Variants in PSMD14 observed in about 807,000 individuals in gnomAD.
PSMD14 encodes the protein ubiquitin C-terminal hydrolase PSMD14.
A neutral mutation model predicts 41.2 loss-of-function variants in PSMD14; 7 were observed. The observed-to-expected ratio is 0.17, with a 90% CI of 0.10 to 0.32. The LOEUF is 0.32. Ranked by LOEUF, PSMD14 falls within the 10% of genes least tolerant of loss-of-function variation. The probability of loss-of-function intolerance (pLI) is 1.00; values close to 1 mark genes in which losing one functional copy is unlikely to be tolerated. For missense variants in PSMD14, 139 were observed against 375.6 expected (o/e 0.37, Z 5.21); for synonymous variants, 114 against 122.3 (o/e 0.93, Z 0.45).
At chr2:161,330,162 T>C (rs1394508993) in intron 3 of PSMD14, among the ~76,000 whole-genome samples, 1 of 152,212 alleles carries the variant, frequency 6.6e-6, no homozygotes, top group Non-Finnish European at 1.5e-5. Context: ...ACAGTGAAAC[T>C]GTCCTTCAAA....
At chr2:161,365,283 A>AG (rs1360077578) in intron 3 of PSMD14, among the ~76,000 whole-genome samples, 2 of 152,038 alleles carry the variant, frequency 1.3e-5, no homozygotes. Context: ...TCTCGAGGTA[A>AG]CTCTAGTTGG....
chr2:161,313,787 G>C (rs1009914804), intron 1 of PSMD14, among the ~76,000 whole-genome samples: 1 of 152,218 alleles, frequency 6.6e-6, no homozygotes, highest in Non-Finnish European at 1.5e-5. Context: ...TACTTGTCTT[G>C]TGTAGATCAG....
intron 9 of PSMD14, among the ~76,000 whole-genome samples, chr2:161,391,605 A>T (rs1327156731): frequency 6.6e-6 from 1 of 151,972 alleles, no homozygotes; most frequent in East Asian, 1.9e-4. Flanking sequence ...TGTTTGTTTT[A>T]AGAGATAGTA....
intron 10 of PSMD14, among the ~76,000 whole-genome samples, chr2:161,400,494 C>A (rs1408977993): frequency 6.6e-6 from 1 of 152,126 alleles, no homozygotes; most frequent in Non-Finnish European, 1.5e-5. Context: ...ATATTAGAAT[C>A]TTTTTTGAGA....
chr2:161,381,456 T>G (rs1683569182), intron 7 of PSMD14: 1 of 151,774 alleles, frequency 6.6e-6, no homozygotes, highest in Non-Finnish European at 1.5e-5. Flanking sequence ...AGAAAAAAAT[T>G]ACAGCTACTG....
chr2:161,403,831 C>A (rs575161978), intron 10 of PSMD14, among the ~76,000 whole-genome samples: 1 of 152,098 alleles, frequency 6.6e-6, no homozygotes, highest in Non-Finnish European at 1.5e-5. Context: ...TTGAGACCCT[C>A]ACCATACCAC....
In PSMD14 at chr2:161,385,573, T is replaced by C. The variant is rs2105264139; in HGVS notation, c.570+2T>C. On this transcript the variant is annotated splice_donor_variant, in intron 8 of 11. Coordinates refer to ENST00000409682, the MANE Select transcript of PSMD14 (RefSeq NM_005805.6). LOFTEE classifies it high-confidence loss of function. The stretch of plus-strand genomic sequence containing the variant: ...CACTTAAACAAGCCATCTATCCAGG[T>C]ATTGCCTATATTTGATAATGTGTTA... 6.4e-7 allele frequency: 1 copy of C among 1,554,806 alleles called. No individual in the cohort carries two copies. Among genetic ancestry groups the C allele is most frequent in the Non-Finnish European group, 8.9e-7 (1 of 1,128,040 alleles).
chr2:161,314,735 A>G (rs1485718449), intron 1 of PSMD14, among the ~76,000 whole-genome samples: 1 of 152,180 alleles, frequency 6.6e-6, no homozygotes, highest in African/African-American at 2.4e-5. Flanking sequence ...ATTCCTTTTT[A>G]TAGCTGAACA....
chr2:161,387,253 C>G (rs576109838), intron 8 of PSMD14, among the ~76,000 whole-genome samples: 10 of 152,120 alleles, frequency 6.6e-5, no homozygotes, highest in South Asian at 4.1e-4. Flanking sequence ...AATACACTTT[C>G]TTATTTTTCT....
At chr2:161,388,473 A>G (rs1191879006) in intron 8 of PSMD14, among the ~76,000 whole-genome samples, 1 of 152,084 alleles carries the variant, frequency 6.6e-6, no homozygotes, top group Admixed American at 6.6e-5. Context: ...TTTGGCATAG[A>G]AAATATATAT....
chr2:161,318,771 A>T (rs1689172145), intron 2 of PSMD14, 51 bp from the exon 3 acceptor site: 1 of 1,440,720 alleles, frequency 6.9e-7, no homozygotes, highest in South Asian at 1.2e-5. Flanking sequence ...ATAGCAATTG[A>T]ATAAACATTT....
chr2:161,395,656 T>G (rs538295546), intron 10 of PSMD14, among the ~76,000 whole-genome samples: 1 of 152,344 alleles, frequency 6.6e-6, no homozygotes, highest in Admixed American at 6.5e-5. Flanking sequence ...GAAAATCTAA[T>G]GTGCCAGGCA....
In PSMD14 at chr2:161,309,739, T is replaced by C. The variant is rs188734142; in HGVS notation, c.-138+1135T>C. Among the ~76,000 whole-genome samples the C allele has an allele frequency of 2.7e-3, 407 of 152,354 alleles. 3 individuals are homozygous for C. Among genetic ancestry groups the C allele is most frequent in the Non-Finnish European group, 5.1e-3 (346 of 68,028 alleles). ...ATGTTGTCTTGAATTTGTCCCTAAATCTTGCCAAGGGAAGAAAGTTTTCAA... is the reference window on the plus strand; with the variant it reads ...ATGTTGTCTTGAATTTGTCCCTAAACCTTGCCAAGGGAAGAAAGTTTTCAA... On this transcript the variant is annotated intron_variant, in intron 1 of 11. Coordinates refer to ENST00000409682, the MANE Select transcript of PSMD14 (RefSeq NM_005805.6).
At chr2:161,327,233 T>C (rs1682712400) in intron 3 of PSMD14, among the ~76,000 whole-genome samples, 1 of 152,180 alleles carries the variant, frequency 6.6e-6, no homozygotes, top group Admixed American at 6.5e-5. Flanking sequence ...TAGGGAGTTA[T>C]TGTTTAATGG....
intron 3 of PSMD14, among the ~76,000 whole-genome samples, chr2:161,365,597 T>C (rs1344796984): frequency 6.6e-6 from 1 of 152,194 alleles, no homozygotes; most frequent in Admixed American, 6.5e-5. Context: ...TTTCTCCATA[T>C]GCAATGTTTA....
intron 3 of PSMD14, among the ~76,000 whole-genome samples, chr2:161,365,596 A>G (rs1278765021): frequency 6.6e-6 from 1 of 152,156 alleles, no homozygotes; most frequent in African/African-American, 2.4e-5. Context: ...CTTTCTCCAT[A>G]TGCAATGTTT....
intron 9 of PSMD14, among the ~76,000 whole-genome samples, chr2:161,394,226 C>T (rs746123067): frequency 4.6e-5 from 7 of 152,076 alleles, no homozygotes; most frequent in Non-Finnish European, 1.0e-4. Flanking sequence ...CCCTCCTTGG[C>T]CTCCCAAAGT....
chr2:161,362,701 A>G (rs1198859503), intron 3 of PSMD14, among the ~76,000 whole-genome samples: 3 of 152,228 alleles, frequency 2.0e-5, no homozygotes, highest in African/African-American at 4.8e-5. Flanking sequence ...TAATGTTGCA[A>G]ATAAATCCAA....
intron 3 of PSMD14, among the ~76,000 whole-genome samples, chr2:161,339,045 C>T (rs1163453836): frequency 2.0e-5 from 3 of 152,028 alleles, no homozygotes; most frequent in Non-Finnish European, 4.4e-5. Context: ...TTAACTTGTT[C>T]ATGGATAATT....
Sources: gnomAD v4.1 joint callset for allele counts (sites outside exome capture counted in the v4.1 genomes callset) on GRCh38, gnomAD v4.1.1 for gene constraint, MANE v1.5 for transcripts, NCBI Gene and HGNC (gene_info 2026-07-23, HGNC 2026-07-21) for gene names.